AGBL4: variants seen among roughly 807,000 people sequenced by gnomAD.
The protein encoded by AGBL4 is AGBL carboxypeptidase 4.
Under a neutral mutation model 66.4 loss-of-function variants are expected in AGBL4, and 58 were observed. That is an observed-to-expected ratio of 0.87 (90% confidence interval 0.71 to 1.09). AGBL4 has a LOEUF of 1.09. AGBL4 is among the 50% of genes least tolerant of loss of function. The pLI is 0.00. For missense variants in AGBL4, 579 were observed against 631.0 expected (o/e 0.92, Z 0.88); for synonymous variants, 234 against 222.9 (o/e 1.05, Z -0.44).
intron 5 of AGBL4, among the ~76,000 whole-genome samples, chr1:48,911,346 G>T (rs1046177752): frequency 1.3e-5 from 2 of 152,150 alleles, no homozygotes; most frequent in African/African-American, 2.4e-5. Context: ...GGCCGGGCGT[G>T]GTGGCTCATG....
At chr1:49,261,805 A>C (rs1169797887) in intron 3 of AGBL4, among the ~76,000 whole-genome samples, 1 of 147,806 alleles carries the variant, frequency 6.8e-6, no homozygotes, top group Non-Finnish European at 1.5e-5. Context: ...ATTGGAAAAA[A>C]CTACTTTAAA....
At position 48,967,561 on chromosome 1, in the gene AGBL4, C is replaced by T. The variant is rs966359497; in HGVS notation, c.594+78023G>A. Among the ~76,000 whole-genome samples the T allele has an allele frequency of 2.0e-5, 3 of 152,080 alleles. No individual in the cohort carries two copies. The East Asian group carries it at 5.8e-4, about 29-fold the overall frequency. On this transcript the variant is annotated intron_variant, in intron 5 of 13. Transcript: ENST00000371839. ...AAGCACTCTGCTAGAGGATATACTTCGTACAGAGATTCAAAAGTAGCAGAA... is the reference window on the plus strand; with the variant it reads ...AAGCACTCTGCTAGAGGATATACTTTGTACAGAGATTCAAAAGTAGCAGAA...
intron 10 of AGBL4, among the ~76,000 whole-genome samples, chr1:48,588,656 AGTGT>A (rs57683318): frequency 2.4e-4 from 36 of 147,624 alleles, no homozygotes; most frequent in East Asian, 1.2e-3. Context: ...GAAACAGAGA[AGTGT>A]GTGTGTGTGT....
At chr1:49,572,135 C>CA (rs35595723) in intron 3 of AGBL4, among the ~76,000 whole-genome samples, 4 of 151,702 alleles carry the variant, frequency 2.6e-5, no homozygotes, top group African/African-American at 7.3e-5. Flanking sequence ...GGAATAATTT[C>CA]AAAAAAATGG....
chr1:48,790,186 G>C (rs1033643624), intron 6 of AGBL4, among the ~76,000 whole-genome samples: 1 of 151,448 alleles, frequency 6.6e-6, no homozygotes, highest in Non-Finnish European at 1.5e-5. Context: ...GCAAGAGCAC[G>C]TAACAGATTT....
chr1:49,276,635 C>A (rs1467438570), intron 3 of AGBL4, among the ~76,000 whole-genome samples: 1 of 152,186 alleles, frequency 6.6e-6, no homozygotes, highest in Non-Finnish European at 1.5e-5. Flanking sequence ...ACCATCTATT[C>A]TCTCTGAGAG....
chr1:49,523,989 T>TCATCAG (rs1650464894), intron 3 of AGBL4, among the ~76,000 whole-genome samples: 1 of 151,826 alleles, frequency 6.6e-6, no homozygotes, highest in African/African-American at 2.4e-5. Context: ...ATCATCATCA[T>TCATCAG]GAAGACAGCA....
intron 9 of AGBL4, among the ~76,000 whole-genome samples, chr1:48,591,450 T>C (rs767067183): frequency 7.9e-5 from 12 of 152,244 alleles, no homozygotes; most frequent in Non-Finnish European, 1.3e-4. Flanking sequence ...TGGCCATTTC[T>C]AGCTGGGAAG....
intron 2 of AGBL4, among the ~76,000 whole-genome samples, chr1:49,789,496 C>A (rs535104431): frequency 6.6e-6 from 1 of 152,114 alleles, no homozygotes; most frequent in Non-Finnish European, 1.5e-5. Flanking sequence ...TCTCAAGATA[C>A]AAAATTGATG....
intron 1 of AGBL4, among the ~76,000 whole-genome samples, chr1:49,947,496 T>C (rs1427688722): frequency 6.6e-6 from 1 of 151,944 alleles, no homozygotes. Flanking sequence ...CCAGCATCCC[T>C]TTATGATTAA....
At chr1:49,000,844 T>A (rs1039505601) in intron 5 of AGBL4, among the ~76,000 whole-genome samples, 1 of 152,168 alleles carries the variant, frequency 6.6e-6, no homozygotes, top group Non-Finnish European at 1.5e-5. Flanking sequence ...TCTTACTGAA[T>A]ACACCACTAA....
intron 3 of AGBL4, among the ~76,000 whole-genome samples, chr1:49,429,131 A>G (rs1157881646): frequency 6.6e-6 from 1 of 152,182 alleles, no homozygotes; most frequent in Non-Finnish European, 1.5e-5. Flanking sequence ...TGGATTCTTT[A>G]TACTCTAGCT....
chr1:49,632,240 A>G (rs1423382653), intron 3 of AGBL4, among the ~76,000 whole-genome samples: 1 of 152,162 alleles, frequency 6.6e-6, no homozygotes, highest in East Asian at 1.9e-4. Context: ...TGACATAAAA[A>G]CATGGAAACC....
intron 3 of AGBL4, among the ~76,000 whole-genome samples, chr1:49,653,221 C>T: frequency 6.6e-6 from 1 of 152,060 alleles, no homozygotes; most frequent in East Asian, 1.9e-4. Context: ...AACGCAGCAA[C>T]CCTAAGGAAG....
intron 2 of AGBL4, among the ~76,000 whole-genome samples, chr1:49,848,758 C>T (rs796427454): frequency 6.6e-5 from 10 of 152,196 alleles, no homozygotes; most frequent in African/African-American, 1.2e-4. Flanking sequence ...TTTACCACTA[C>T]GCAATATATC....
At chr1:49,963,348 T>C (rs566696538) in intron 1 of AGBL4, among the ~76,000 whole-genome samples, 1 of 152,220 alleles carries the variant, frequency 6.6e-6, no homozygotes, top group African/African-American at 2.4e-5. Context: ...CTAGTTGCCA[T>C]AATATCCATT....
intron 5 of AGBL4, among the ~76,000 whole-genome samples, chr1:48,946,603 G>A (rs538081386): frequency 1.3e-5 from 2 of 152,296 alleles, no homozygotes; most frequent in South Asian, 4.1e-4. Flanking sequence ...TGTAATGAAA[G>A]GCAAAAAGTT....
chr1:48,705,877 A>G (rs1288882698), intron 6 of AGBL4, among the ~76,000 whole-genome samples: 1 of 152,184 alleles, frequency 6.6e-6, no homozygotes, highest in African/African-American at 2.4e-5. Context: ...AACCTATTGC[A>G]CCCAACAAAA....
intron 4 of AGBL4, among the ~76,000 whole-genome samples, chr1:49,223,505 T>G (rs533913424): frequency 7.0e-4 from 107 of 152,354 alleles, no homozygotes; most frequent in African/African-American, 2.5e-3. Flanking sequence ...TTTGATGCTT[T>G]CTTTTGTGTT....
Sources: gnomAD v4.1 joint callset for allele counts (sites outside exome capture counted in the v4.1 genomes callset) on GRCh38, gnomAD v4.1.1 for gene constraint, MANE v1.5 for transcripts, NCBI Gene and HGNC (gene_info 2026-07-23, HGNC 2026-07-21) for gene names.